The following BCAS3 variants were observed in gnomAD, a reference collection of about 807,000 sequenced individuals.
The protein encoded by BCAS3 is BCAS3 microtubule associated cell migration factor.
Under a neutral mutation model 116.1 loss-of-function variants are expected in BCAS3, and 53 were observed. That is an observed-to-expected ratio of 0.46 (90% CI 0.37 to 0.57). BCAS3 has a LOEUF of 0.57. Among genes scored for constraint, BCAS3 ranks in the 20% least tolerant of loss-of-function variants. The pLI, the probability that BCAS3 is intolerant of heterozygous loss-of-function variation, is 0.00. For missense variants in BCAS3, 917 were observed against 1,165.4 expected, an observed-to-expected ratio of 0.79 and a Z score of 3.10; for synonymous variants, 391 against 408.2, an observed-to-expected ratio of 0.96 and a Z score of 0.51.
At position 61,368,417 on chromosome 17, in the gene BCAS3, C is replaced by T. The variant is rs545072054; in HGVS notation, c.2516C>T (p.Thr839Met). ...CGGCACATGTCCTCCATGGAGCACA[C>T]GGAGGAGGGCCTCCGGGAGCGACTT... is the stretch of plus-strand genomic sequence containing the variant. ...GLRHMSSMEH[T>M]EEGLRERLAD... Residue 839 changes from threonine to methionine, a missense_variant, in exon 23 of 24, where the codon ACG (threonine) becomes ATG (methionine). By Grantham distance (81) the Thr-to-Met change is moderately conservative. Transcript: ENST00000407086. This position sits in a 1 kb window ranked among gnomAD's most constrained non-coding sequence, Gnocchi z 6.0. 1.6e-5 allele frequency: 25 copies of T among 1,612,864 alleles called. No individual in the cohort carries two copies. Among genetic ancestry groups the T allele is most frequent in the African/African-American group, 2.7e-5 (2 of 75,042 alleles).
Position 61,056,702 on chromosome 17 carries a change from A to T in BCAS3, c.2029+15810A>T, listed in dbSNP as rs528209567. 2.2e-4 allele frequency among the ~76,000 whole-genome samples: 33 copies of T among 152,338 alleles called. No individual in the cohort carries two copies. Among genetic ancestry groups the T allele is most frequent in the African/African-American group, 7.7e-4 (32 of 41,584 alleles). On this transcript the variant is annotated intron_variant, in intron 19 of 23. Coordinates refer to ENST00000407086, the MANE Select transcript of BCAS3 (RefSeq NM_017679.5). This position sits in a 1 kb window ranked among gnomAD's most constrained non-coding sequence, Gnocchi z 4.9. The stretch of plus-strand genomic sequence containing the variant: ...AGTTTATTACACTGAATTAGCTGCC[A>T]TCCTGTCCAGGAGACCCAGGGGTTT...
rs1025612517 is a variant in BCAS3 at position 61,220,883 on chromosome 17, G to A, written c.2425+136319G>A. The stretch of plus-strand genomic sequence containing the variant: ...TGGGAGGCCGAGGTGGGTGGATCAC[G>A]AGGTCAGGAGATCGAGACCATCCTG... On this transcript the variant is annotated intron_variant, in intron 22 of 23. Transcript: ENST00000407086. The surrounding 1 kb of genome is among the most constrained non-coding windows in gnomAD (Gnocchi z 4.5). Among the ~76,000 whole-genome samples the A allele has an allele frequency of 2.6e-5, 4 of 152,036 alleles. No homozygotes were observed. The highest frequency in any genetic ancestry group is 6.6e-5 in the Admixed American group (1 of 15,254).
intron 6 of BCAS3, among the ~76,000 whole-genome samples, chr17:60,784,321 G>A (rs1182200941): frequency 3.1e-5 from 1 of 32,746 alleles, no homozygotes; most frequent in South Asian, 9.6e-4. Flanking sequence ...TTTTTTTTTT[G>A]AGACGGAGTC....
intron 22 of BCAS3, among the ~76,000 whole-genome samples, chr17:61,155,031 A>G (rs575739905): frequency 6.6e-5 from 10 of 152,262 alleles, no homozygotes; most frequent in African/African-American, 2.2e-4. Context: ...AGTGATCAAC[A>G]AACAATACAG....
rs75145964 is a variant in BCAS3, at chr17:60,865,147, G to T, written c.477-3429G>T. Among the ~76,000 whole-genome samples, 473 of 152,110 alleles carry T rather than the reference G, an allele frequency of 3.1e-3. 5 individuals carry two copies. The highest frequency in any genetic ancestry group is 0.011 in the African/African-American group (457 of 41,498). ...GTTGAGCACGTAGTGTTGTAAAAAT[G>T]GCTTCAGTCAACTTGCTTGACACAG... On this transcript the variant is annotated intron_variant, in intron 7 of 23. Coordinates refer to ENST00000407086, the MANE Select transcript of BCAS3 (RefSeq NM_017679.5).
chr17:60,816,628 TG>T (rs991544744), intron 7 of BCAS3, among the ~76,000 whole-genome samples: 1 of 152,164 alleles, frequency 6.6e-6, no homozygotes, highest in Admixed American at 6.5e-5. Context: ...GGAATTGCTA[TG>T]GAAAGTGTCA....
rs191349054 is a variant in BCAS3 at position 61,161,497 on chromosome 17, C to T, written c.2425+76933C>T. Reference sequence around the variant, plus strand: ...TCTTTAAAAGACAGAGATAGTGGCACAAAATGTGCTGTGGGTTTAAGCAAT... The same window carrying T: ...TCTTTAAAAGACAGAGATAGTGGCATAAAATGTGCTGTGGGTTTAAGCAAT... On this transcript the variant is annotated intron_variant, in intron 22 of 23. Transcript: ENST00000407086. The surrounding 1 kb of genome is among the most constrained non-coding windows in gnomAD (Gnocchi z 4.8). 1.3e-5 allele frequency among the ~76,000 whole-genome samples: 2 copies of T among 152,286 alleles called. No individual in the cohort carries two copies. Among genetic ancestry groups the T allele is most frequent in the East Asian group, 3.9e-4 (2 of 5,190 alleles).
intron 6 of BCAS3, among the ~76,000 whole-genome samples, chr17:60,753,163 A>G (rs2042647804): frequency 6.6e-6 from 1 of 152,144 alleles, no homozygotes; most frequent in African/African-American, 2.4e-5. Context: ...ATCCTTGATT[A>G]CTAGGGAAGA....
chr17:60,824,899 C>T (rs1247694966), intron 7 of BCAS3, among the ~76,000 whole-genome samples: 3 of 152,176 alleles, frequency 2.0e-5, no homozygotes, highest in Non-Finnish European at 4.4e-5. Context: ...GGCGCAGTGG[C>T]TCTTGCCCAT....
chr17:60,984,783 G>A (rs1193318321), intron 14 of BCAS3, among the ~76,000 whole-genome samples: 1 of 152,020 alleles, frequency 6.6e-6, no homozygotes, highest in African/African-American at 2.4e-5. Context: ...GCCAAAGTGG[G>A]CAGATCACCT....
In BCAS3 at chr17:61,300,445, T is replaced by A. The variant is rs1486318655; in HGVS notation, c.2426-67882T>A. Among the ~76,000 whole-genome samples, 22 of 152,108 alleles carry A rather than the reference T, an allele frequency of 1.4e-4. No individual in the cohort carries two copies. The highest frequency in any genetic ancestry group is 1.4e-3 in the Admixed American group (21 of 15,256). On this transcript the variant is annotated intron_variant, in intron 22 of 23. Coordinates refer to ENST00000407086, the MANE Select transcript of BCAS3 (RefSeq NM_017679.5). The surrounding 1 kb of genome is among the most constrained non-coding windows in gnomAD (Gnocchi z 5.1). ...GACATTTGGGGAAGGAAATGATCAGTAGGGCAAGTTTTAATTTAGGGCATT... is the reference window on the plus strand; with the variant it reads ...GACATTTGGGGAAGGAAATGATCAGAAGGGCAAGTTTTAATTTAGGGCATT...
intron 22 of BCAS3, among the ~76,000 whole-genome samples, chr17:61,297,507 G>A (rs1472695708): frequency 2.6e-5 from 4 of 152,130 alleles, no homozygotes; most frequent in African/African-American, 7.2e-5. Context: ...AAACCCTCCT[G>A]TTATTTCCAA....
intron 8 of BCAS3, among the ~76,000 whole-genome samples, chr17:60,871,659 G>A (rs2055115582): frequency 6.6e-6 from 1 of 151,286 alleles, no homozygotes; most frequent in African/African-American, 2.4e-5. Flanking sequence ...TCAATATGAG[G>A]ACGATCATGT....
intron 22 of BCAS3, among the ~76,000 whole-genome samples, chr17:61,169,686 T>C (rs2078720822): frequency 6.6e-6 from 1 of 152,216 alleles, no homozygotes; most frequent in South Asian, 2.1e-4. Flanking sequence ...AAACATATTT[T>C]AAAGACCATT....
At chr17:60,681,708 C>T (rs1447573574) in intron 2 of BCAS3, among the ~76,000 whole-genome samples, 3 of 147,390 alleles carry the variant, frequency 2.0e-5, no homozygotes, top group Admixed American at 6.8e-5. Flanking sequence ...TGGATCACCA[C>T]GCCTGGCTAA....
chr17:61,247,178 T>G (rs1321936461), intron 22 of BCAS3, among the ~76,000 whole-genome samples: 3 of 152,220 alleles, frequency 2.0e-5, no homozygotes, highest in Non-Finnish European at 4.4e-5. Flanking sequence ...TTATTTAACT[T>G]TGACGATAGC....
intron 7 of BCAS3, among the ~76,000 whole-genome samples, chr17:60,824,381 A>G (rs746784593): frequency 1.3e-5 from 2 of 152,164 alleles, no homozygotes; most frequent in Non-Finnish European, 2.9e-5. Context: ...TTTTATCACA[A>G]CATTCCCAAG....
intron 9 of BCAS3, 114 bp from the exon 10 acceptor site, chr17:60,889,581 A>G: frequency 1.2e-6 from 1 of 835,750 alleles, no homozygotes. Context: ...ATTTTATGTG[A>G]GACTTGAAAA....
At chr17:61,338,367 G>T (rs1017218867) in intron 22 of BCAS3, among the ~76,000 whole-genome samples, 4 of 151,842 alleles carry the variant, frequency 2.6e-5, no homozygotes, top group African/African-American at 9.7e-5. Context: ...ACTGCCAAAT[G>T]GTGTTCTGAA....
Sources: allele counts gnomAD v4.1 joint callset (sites outside exome capture counted in the v4.1 genomes callset), GRCh38; gene constraint gnomAD v4.1.1; non-coding constraint Gnocchi (gnomAD v3.1); transcripts MANE v1.5; gene names NCBI Gene and HGNC (gene_info 2026-07-23, HGNC 2026-07-21).